PLOD3: variants seen among roughly 807,000 people sequenced by gnomAD.
PLOD3 encodes the protein procollagen-lysine,2-oxoglutarate 5-dioxygenase 3.
In PLOD3, 73 loss-of-function variants were observed where a neutral mutation model predicts 96.9. That is an observed-to-expected ratio of 0.75 (90% confidence interval 0.62 to 0.92). The LOEUF (loss-of-function observed/expected upper bound fraction) is 0.92. PLOD3 is among the 40% of genes least tolerant of loss of function. The pLI, the probability that PLOD3 is intolerant of heterozygous loss-of-function variation, is 0.00. For synonymous variants in PLOD3, 454 were observed against 413.7 expected, an observed-to-expected ratio of 1.10 and a Z score of -1.18; for missense variants, 1,004 against 1,004.3, an observed-to-expected ratio of 1.00 and a Z score of 0.00.
At chr7:101,211,080 C>T (rs941932995) in intron 12 of PLOD3, 2 of 247,992 alleles carry the variant, frequency 8.1e-6, no homozygotes, top group African/African-American at 4.5e-5. Flanking sequence ...GGGGTTTCAC[C>T]ATGTTGGCCA....
intron 8 of PLOD3, 89 bp from the exon 9 acceptor site, chr7:101,212,744 C>A (rs1363524704): frequency 6.3e-7 from 1 of 1,588,258 alleles, no homozygotes; most frequent in African/African-American, 1.3e-5. Flanking sequence ...GTGCAGGGAC[C>A]CAGGAGCGAT....
chr7:101,214,702 T>C (rs1465427858), intron 6 of PLOD3, among the ~76,000 whole-genome samples: 1 of 152,012 alleles, frequency 6.6e-6, no homozygotes, highest in Middle Eastern at 3.2e-3. Flanking sequence ...CTGGGCGTGG[T>C]GGCGCATGCC....
In PLOD3 at chr7:101,206,071, C is replaced by A. The variant is rs982759819; in HGVS notation, c.*210G>T. On this transcript the variant is annotated 3_prime_UTR_variant, in exon 19 of 19. Coordinates refer to ENST00000223127, the MANE Select transcript of PLOD3 (RefSeq NM_001084.5). ...TCCCCAGAAGCCCTGTGCCCACGAA[C>A]CCCTGTGGGCGGAGGAGAGAGGCGG... The A allele has an allele frequency of 6.9e-5, 44 of 639,726 alleles. No individual in the cohort carries two copies. Among genetic ancestry groups the A allele is most frequent in the Middle Eastern group, 4.2e-4 (1 of 2,356 alleles). The allele number at this position is 639,726 out of a possible 1,614,324, so 39.6% of individuals were successfully genotyped here.
chr7:101,209,292 G>A (rs1268406042), intron 15 of PLOD3, among the ~76,000 whole-genome samples: 1 of 150,224 alleles, frequency 6.7e-6, no homozygotes, highest in African/African-American at 2.5e-5. Context: ...CTACAGCCTC[G>A]ACCTTCTGGG....
chr7:101,206,949 A>AG, intron 17 of PLOD3, 45 bp from the exon 18 acceptor site: 1 of 1,546,134 alleles, frequency 6.5e-7, no homozygotes, highest in Non-Finnish European at 8.7e-7. Context: ...CTGCGGGCGC[A>AG]GGGGGTCTTT....
chr7:101,212,725 C>G, intron 8 of PLOD3, 70 bp from the exon 9 acceptor site: 1 of 1,605,072 alleles, frequency 6.2e-7, no homozygotes. Context: ...CCAACCTCCA[C>G]CCTGACAGGT....
intron 12 of PLOD3, chr7:101,210,903 C>T (rs552560922): frequency 6.7e-5 from 36 of 536,990 alleles, no homozygotes; most frequent in African/African-American, 1.5e-4. Context: ...GTTTTTGAGA[C>T]GGAGTCTTGC....
intron 6 of PLOD3, among the ~76,000 whole-genome samples, chr7:101,214,616 T>C (rs930836900): frequency 3.3e-5 from 5 of 152,034 alleles, no homozygotes; most frequent in Non-Finnish European, 7.4e-5. Context: ...GGCAGGCGGA[T>C]CACCTGAGGT....
chr7:101,209,185 C>T (rs1384723035), intron 15 of PLOD3, among the ~76,000 whole-genome samples: 1 of 151,464 alleles, frequency 6.6e-6, no homozygotes, highest in African/African-American at 2.4e-5. Context: ...CAGTGGTTTC[C>T]AAACTTCCGT....
Position 101,210,784 on chromosome 7 carries a change from C to CCCCT in PLOD3, c.1359-115_1359-112dup, listed in dbSNP as rs1160480904. On this transcript the variant is annotated intron_variant, in intron 12 of 18. Transcript: ENST00000223127. ...GGTATCCCAGTCCCTGAACATAAGG[C>CCCCT]CCCTGCATGTCCCTTGTCAAGCACT... 3 of 1,195,768 alleles carry CCCCT rather than the reference C, an allele frequency of 2.5e-6. No homozygotes were observed. The African/African-American group carries it at 4.5e-5, about 18-fold the overall frequency. 74.1% of individuals were successfully genotyped at this position (1,195,768 alleles called of 1,614,324 possible). A position where few individuals can be genotyped will look rare whatever the true frequency, so the allele number is the denominator to read the frequency against.
At chr7:101,216,857 C>A in intron 1 of PLOD3, 71 bp from the exon 2 acceptor site, 1 of 1,016,534 alleles carries the variant, frequency 9.8e-7, no homozygotes, top group Non-Finnish European at 1.5e-6. Context: ...TGCTGTCCTC[C>A]CTCTCACTCG....
chr7:101,209,686 T>C (rs757622098), intron 15 of PLOD3: 14 of 176,494 alleles, frequency 7.9e-5, no homozygotes, highest in African/African-American at 1.9e-4. Flanking sequence ...GCACCACTCC[T>C]GGCCTCATTT....
intron 6 of PLOD3, among the ~76,000 whole-genome samples, chr7:101,214,421 G>A (rs899368423): frequency 1.7e-4 from 26 of 152,000 alleles, no homozygotes; most frequent in South Asian, 4.2e-4. Context: ...GTGAGGCACC[G>A]TGCCTGGCCT....
At chr7:101,216,614 TACCGTGGGG>T (rs1322594452) in intron 2 of PLOD3, 68 bp from the exon 3 acceptor site, 32 of 1,610,114 alleles carry the variant, frequency 2.0e-5, no homozygotes, top group Non-Finnish European at 2.6e-5. Flanking sequence ...TGACCAGGCT[TACCGTGGGG>T]ACCTGGGCAT....
intron 6 of PLOD3, 61 bp from the exon 7 acceptor site, chr7:101,213,265 T>C: frequency 9.2e-7 from 1 of 1,086,188 alleles, no homozygotes; most frequent in South Asian, 1.3e-5. Flanking sequence ...AAGCAACACA[T>C]TCTTCTAAAT....
At chr7:101,216,882 C>T (rs947619867) in intron 1 of PLOD3, 96 bp from the exon 2 acceptor site, 2 of 873,496 alleles carry the variant, frequency 2.3e-6, no homozygotes, top group Admixed American at 2.0e-5. Context: ...CCCTCCCTTT[C>T]TTCCTTCCCA....
At position 101,212,547 on chromosome 7, in the gene PLOD3, G is replaced by T; in HGVS notation, c.988C>A (p.Leu330Ile). The change falls in exon 9 of 19, where the codon CTT becomes ATT. Residue 330 changes from leucine (L) to isoleucine (I), a missense_variant. Physicochemically the swap from Leu to Ile is conservative, Grantham distance 5. Around this residue, in one of 5 missense-constraint regions of PLOD3, gnomAD observed 690 missense variants for 650.2 expected, o/e 1.06. Coordinates refer to ENST00000223127, the MANE Select transcript of PLOD3 (RefSeq NM_001084.5). ...AGTCTCACGTTGTTGTGCAGGAAAA[G>T]GGTGACCCTGTCGGGGGGATAGTCC... is the stretch of plus-strand genomic sequence containing the variant. ...LLDYPPDRVT[L>I]FLHNNEVFHE... The T allele has an allele frequency of 6.2e-7, 1 of 1,613,910 alleles. No individual in the cohort carries two copies. Among genetic ancestry groups the T allele is most frequent in the Non-Finnish European group, 8.5e-7 (1 of 1,179,904 alleles).
Position 101,217,488 on chromosome 7 carries a change from G to T in PLOD3, c.-214C>A. 3.8e-6 allele frequency: 2 copies of T among 521,806 alleles called. No homozygotes were observed. Among genetic ancestry groups the T allele is most frequent in the Admixed American group, 3.9e-5 (1 of 25,928 alleles). The allele number at this position is 521,806 out of a possible 1,614,324, so 32.3% of individuals were successfully genotyped here. A position where few individuals can be genotyped will look rare whatever the true frequency, so the allele number is the denominator to read the frequency against. ...CGGCGCCACAGACAAGGCGAGGATTGTCCCGGGCGCACGGGAGGCGGGGGA... is the reference window on the plus strand; with the variant it reads ...CGGCGCCACAGACAAGGCGAGGATTTTCCCGGGCGCACGGGAGGCGGGGGA... On this transcript the variant is annotated 5_prime_UTR_variant, in exon 1 of 19. Coordinates refer to ENST00000223127, the MANE Select transcript of PLOD3 (RefSeq NM_001084.5).
intron 5 of PLOD3, among the ~76,000 whole-genome samples, chr7:101,215,660 A>G (rs1047437713): frequency 4.6e-5 from 7 of 151,896 alleles, no homozygotes; most frequent in South Asian, 4.2e-4. Flanking sequence ...AAGCCTGGCT[A>G]ATTTTTTCTT....
Sources: gnomAD v4.1 joint callset for allele counts (sites outside exome capture counted in the v4.1 genomes callset) on GRCh38, gnomAD v4.1.1 for gene constraint, gnomAD v4.1.1 regional missense constraint, MANE v1.5 for transcripts, NCBI Gene and HGNC (gene_info 2026-07-23, HGNC 2026-07-21) for gene names.